Variants in CNTN4 observed in about 807,000 individuals in gnomAD.
The protein encoded by CNTN4 is contactin 4.
In CNTN4, 77 loss-of-function variants were observed where a neutral mutation model predicts 122.5. That is an observed-to-expected ratio of 0.63 (90% CI 0.52 to 0.76). The LOEUF (loss-of-function observed/expected upper bound fraction) is 0.76. CNTN4 is among the 30% of genes least tolerant of loss of function. The pLI is 0.00. For synonymous variants in CNTN4, 512 were observed against 447.0 expected (o/e 1.15, Z -1.83); for missense variants, 1,256 against 1,259.1 (o/e 1.00, Z 0.04).
At chr3:2,741,766 G>T (rs1194739981) in intron 5 of CNTN4, among the ~76,000 whole-genome samples, 3 of 152,156 alleles carry the variant, frequency 2.0e-5, no homozygotes, top group African/African-American at 7.2e-5. Context: ...GCAGAATTTG[G>T]CAAGTGCTGC....
At chr3:2,280,597 A>C (rs751602832) in intron 2 of CNTN4, among the ~76,000 whole-genome samples, 10 of 152,186 alleles carry the variant, frequency 6.6e-5, no homozygotes, top group Non-Finnish European at 1.2e-4. Flanking sequence ...GTCTTTAGCT[A>C]TTAGCTGCCT....
At chr3:2,900,106 T>G (rs2094156945) in intron 10 of CNTN4, among the ~76,000 whole-genome samples, 1 of 152,216 alleles carries the variant, frequency 6.6e-6, no homozygotes. Flanking sequence ...CAGGTCAGCA[T>G]TTTCATCCTA....
chr3:2,850,482 A>C (rs1024733577), intron 7 of CNTN4, among the ~76,000 whole-genome samples: 2 of 152,188 alleles, frequency 1.3e-5, no homozygotes, highest in Non-Finnish European at 2.9e-5. Context: ...GTTAGGACAG[A>C]TACCATCACC....
chr3:2,480,634 A>G (rs921737695), intron 3 of CNTN4, among the ~76,000 whole-genome samples: 3 of 152,242 alleles, frequency 2.0e-5, no homozygotes, highest in Non-Finnish European at 4.4e-5. Context: ...AATATATTTC[A>G]TGTTTATACA....
At chr3:2,157,664 A>G (rs1341881651) in intron 2 of CNTN4, among the ~76,000 whole-genome samples, 2 of 152,184 alleles carry the variant, frequency 1.3e-5, no homozygotes, top group Non-Finnish European at 2.9e-5. Flanking sequence ...ATGTCCTATG[A>G]GATGCCCTAA....
chr3:2,136,701 A>T, intron 2 of CNTN4, among the ~76,000 whole-genome samples: 1 of 152,180 alleles, frequency 6.6e-6, no homozygotes, highest in East Asian at 1.9e-4. Context: ...TTTAAAAAAA[A>T]AAAAAGAAAT....
At chr3:2,152,825 A>G (rs1000878647) in intron 2 of CNTN4, among the ~76,000 whole-genome samples, 11 of 152,154 alleles carry the variant, frequency 7.2e-5, no homozygotes, top group Admixed American at 3.9e-4. Context: ...ATGTACTCCC[A>G]GATCGGGCTC....
intron 2 of CNTN4, among the ~76,000 whole-genome samples, chr3:2,190,217 C>T (rs1273235857): frequency 6.6e-6 from 1 of 152,082 alleles, no homozygotes; most frequent in African/African-American, 2.4e-5. Context: ...CATTTCTTCT[C>T]ATTGATTTAG....
chr3:2,395,440 T>A (rs1221444326), intron 3 of CNTN4, among the ~76,000 whole-genome samples: 2 of 152,324 alleles, frequency 1.3e-5, no homozygotes, highest in Admixed American at 6.5e-5. Flanking sequence ...AACTATATAC[T>A]TTCCTTTTAA....
intron 2 of CNTN4, among the ~76,000 whole-genome samples, chr3:2,200,109 TC>T (rs1272139764): frequency 1.3e-5 from 2 of 152,166 alleles, no homozygotes; most frequent in Admixed American, 1.3e-4. Flanking sequence ...AAGAATGGAT[TC>T]ACGAGGATAA....
intron 3 of CNTN4, among the ~76,000 whole-genome samples, chr3:2,458,241 T>A (rs970241928): frequency 6.6e-6 from 1 of 152,140 alleles, no homozygotes; most frequent in Non-Finnish European, 1.5e-5. Flanking sequence ...TTAAACCAAA[T>A]AGTAAAGTTA....
chr3:2,981,398 C>G (rs534858820), intron 13 of CNTN4, among the ~76,000 whole-genome samples: 5 of 151,630 alleles, frequency 3.3e-5, no homozygotes, highest in Non-Finnish European at 5.9e-5. Flanking sequence ...GAGCCGAGAT[C>G]GCAGCACTGC....
rs1248903147 is a variant in CNTN4 at position 2,745,987 on chromosome 3, C to T, written c.358+290C>T. Reference sequence around the variant, plus strand: ...ATAAATTCACACACTGAGATTGACACATGTATAAATTTATGTAAACAACAA... The same window carrying T: ...ATAAATTCACACACTGAGATTGACATATGTATAAATTTATGTAAACAACAA... On this transcript the variant is annotated intron_variant, in intron 6 of 24. Coordinates refer to ENST00000418658, the MANE Select transcript of CNTN4 (RefSeq NM_175607.3). 2.1e-5 allele frequency among the ~76,000 whole-genome samples: 3 copies of T among 145,888 alleles called. No homozygotes were observed. In the Admixed American group the frequency reaches 2.1e-4, roughly 10 times the overall value.
At chr3:2,502,773 C>T (rs982560204) in intron 3 of CNTN4, among the ~76,000 whole-genome samples, 3 of 152,078 alleles carry the variant, frequency 2.0e-5, no homozygotes, top group African/African-American at 7.2e-5. Flanking sequence ...TCTGAGGACA[C>T]GACTAATAAA....
rs1048793363 is a variant in CNTN4, at chr3:2,164,695, G to C, written c.-145+64056G>C. On this transcript the variant is annotated intron_variant, in intron 2 of 24. Transcript: ENST00000418658. ...ATTATCCAGTTTCTCATCTGCCACA[G>C]AAAATGCTAGTGGACAATGCAACAT... Among the ~76,000 whole-genome samples, 5 of 152,298 alleles carry C rather than the reference G, an allele frequency of 3.3e-5. No homozygotes were observed. The South Asian group carries it at 6.2e-4, about 19-fold the overall frequency.
At chr3:2,837,329 G>A (rs1173610290) in intron 7 of CNTN4, among the ~76,000 whole-genome samples, 1 of 152,012 alleles carries the variant, frequency 6.6e-6, no homozygotes, top group Admixed American at 6.5e-5. Flanking sequence ...TTTTTCATTT[G>A]AAAATCATTC....
chr3:2,588,454 C>G (rs1203096057), intron 4 of CNTN4, among the ~76,000 whole-genome samples: 3 of 151,084 alleles, frequency 2.0e-5, no homozygotes, highest in Admixed American at 6.6e-5. Flanking sequence ...GCAACCTCTG[C>G]CTCCCAGGTT....
intron 2 of CNTN4, among the ~76,000 whole-genome samples, chr3:2,197,068 AAAG>A (rs1553600656): frequency 7.9e-5 from 11 of 139,792 alleles, no homozygotes; most frequent in Admixed American, 3.8e-4. Flanking sequence ...AAAAAAAAAA[AAAG>A]AAGAAGAAGA....
intron 2 of CNTN4, chr3:2,110,367 T>C (rs778502063): frequency 3.3e-5 from 5 of 152,244 alleles, no homozygotes; most frequent in Non-Finnish European, 7.3e-5. Flanking sequence ...ATTAGGTAAA[T>C]GAACCGTATA....
Sources: allele counts gnomAD v4.1 joint callset (sites outside exome capture counted in the v4.1 genomes callset), GRCh38; gene constraint gnomAD v4.1.1; transcripts MANE v1.5; gene names NCBI Gene and HGNC (gene_info 2026-07-23, HGNC 2026-07-21).